The following PAPPA2 variants were observed in gnomAD, a reference collection of about 807,000 sequenced individuals.
PAPPA2 encodes the protein pappalysin-2.
A neutral mutation model predicts 176.4 loss-of-function variants in PAPPA2; 86 were observed. The observed-to-expected ratio is 0.49, with a 90% CI of 0.41 to 0.58. The LOEUF (loss-of-function observed/expected upper bound fraction) is 0.58. PAPPA2 is among the 20% of genes least tolerant of loss of function. The pLI is 0.00. For missense variants in PAPPA2, 2,073 were observed against 2,256.9 expected (o/e 0.92, Z 1.65); for synonymous variants, 809 against 852.2 (o/e 0.95, Z 0.88).
At chr1:176,702,460 T>C in intron 8 of PAPPA2, 147 bp from the exon 9 acceptor site, 1 of 1,207,286 alleles carries the variant, frequency 8.3e-7, no homozygotes, top group Non-Finnish European at 1.1e-6. Context: ...GACTGTGCCC[T>C]GATCTTTGTT....
intron 4 of PAPPA2, among the ~76,000 whole-genome samples, chr1:176,674,856 T>C (rs1162848905): frequency 6.6e-6 from 1 of 151,944 alleles, no homozygotes; most frequent in Non-Finnish European, 1.5e-5. Flanking sequence ...CTCCATACTG[T>C]TTTTTCATAG....
chr1:176,523,156 G>A (rs922752213), intron 1 of PAPPA2, among the ~76,000 whole-genome samples: 1 of 152,124 alleles, frequency 6.6e-6, no homozygotes, highest in East Asian at 1.9e-4. Context: ...TTCTTGGTGA[G>A]CTATTGAGTA....
chr1:176,814,627 T>C (rs1016458871), intron 21 of PAPPA2, among the ~76,000 whole-genome samples: 3 of 152,236 alleles, frequency 2.0e-5, no homozygotes, highest in African/African-American at 7.2e-5. Flanking sequence ...TTTTTGCACA[T>C]TGATTTTGTA....
At chr1:176,753,326 C>T (rs1663267254) in intron 14 of PAPPA2, among the ~76,000 whole-genome samples, 1 of 152,128 alleles carries the variant, frequency 6.6e-6, no homozygotes, top group South Asian at 2.1e-4. Flanking sequence ...TATTATCTGT[C>T]ATGCTGCTTC....
chr1:176,825,530 G>C (rs1007420286), intron 21 of PAPPA2, among the ~76,000 whole-genome samples: 1 of 152,180 alleles, frequency 6.6e-6, no homozygotes, highest in Non-Finnish European at 1.5e-5. Flanking sequence ...GGCAGGGATG[G>C]AGACATTGGT....
chr1:176,575,256 C>T (rs1652579424), intron 2 of PAPPA2, among the ~76,000 whole-genome samples: 1 of 152,168 alleles, frequency 6.6e-6, no homozygotes, highest in Non-Finnish European at 1.5e-5. Flanking sequence ...TGCAAAATTC[C>T]TTTAATTAAC....
chr1:176,672,015 A>T (rs1659034153), intron 4 of PAPPA2, among the ~76,000 whole-genome samples: 1 of 151,660 alleles, frequency 6.6e-6, no homozygotes, highest in Non-Finnish European at 1.5e-5. Flanking sequence ...TACATATGTA[A>T]CTAACCTGCA....
At chr1:176,478,575 A>T (rs1015256134) in intron 1 of PAPPA2, among the ~76,000 whole-genome samples, 1 of 152,248 alleles carries the variant, frequency 6.6e-6, no homozygotes, top group African/African-American at 2.4e-5. Context: ...ATCACATCAG[A>T]TCCCAGATGT....
chr1:176,493,401 G>T (rs1312810834), intron 1 of PAPPA2, among the ~76,000 whole-genome samples: 1 of 152,166 alleles, frequency 6.6e-6, no homozygotes, highest in Non-Finnish European at 1.5e-5. Context: ...ACTCATTAAA[G>T]TATTGAATTG....
intron 1 of PAPPA2, among the ~76,000 whole-genome samples, chr1:176,522,117 G>A (rs1005808008): frequency 1.3e-5 from 2 of 152,116 alleles, no homozygotes; most frequent in African/African-American, 2.4e-5. Flanking sequence ...TGCTGTTTCT[G>A]TTTCACTTAA....
intron 2 of PAPPA2, among the ~76,000 whole-genome samples, chr1:176,579,317 T>G (rs1399475571): frequency 6.6e-6 from 1 of 152,170 alleles, no homozygotes; most frequent in Non-Finnish European, 1.5e-5. Context: ...TGTTTGGAAG[T>G]GAGTTTTCTG....
In PAPPA2 at chr1:176,807,481, TTTTC is replaced by T. The variant is rs200813575; in HGVS notation, c.5202+7365_5202+7368del. 2.5e-3 allele frequency among the ~76,000 whole-genome samples: 378 copies of T among 151,800 alleles called. 1 individual carries two copies. Among genetic ancestry groups the T allele is most frequent in the Middle Eastern group, 0.017 (5 of 294 alleles). On this transcript the variant is annotated intron_variant, in intron 21 of 22. Coordinates refer to ENST00000367662, the MANE Select transcript of PAPPA2 (RefSeq NM_020318.3). ...AGCTACCTGCCTGCCAAGTTTGATA[TTTTC>T]TTTCTTTCTTTCTTTTTTTTTTTTT...
chr1:176,643,802 G>A (rs1657236278), intron 3 of PAPPA2, among the ~76,000 whole-genome samples: 1 of 151,858 alleles, frequency 6.6e-6, no homozygotes, highest in Non-Finnish European at 1.5e-5. Flanking sequence ...AAACACTTGT[G>A]TTGGGCGGAA....
At chr1:176,472,920 G>T (rs182174411) in intron 1 of PAPPA2, among the ~76,000 whole-genome samples, 119 of 152,214 alleles carry the variant, frequency 7.8e-4, no homozygotes, top group Middle Eastern at 3.4e-3. Context: ...ACAAGGCACA[G>T]AGATTTCCTG....
intron 3 of PAPPA2, among the ~76,000 whole-genome samples, chr1:176,610,800 C>G (rs956048531): frequency 6.6e-5 from 10 of 152,126 alleles, no homozygotes; most frequent in Non-Finnish European, 1.5e-4. Context: ...GTCACAATGG[C>G]CTTTTTTGCA....
chr1:176,512,780 T>G (rs1254475436), intron 1 of PAPPA2, among the ~76,000 whole-genome samples: 4 of 152,190 alleles, frequency 2.6e-5, no homozygotes, highest in Non-Finnish European at 4.4e-5. Flanking sequence ...TAAAATTGAT[T>G]AAAATATTTT....
chr1:176,737,831 C>G (rs774810172), intron 12 of PAPPA2, among the ~76,000 whole-genome samples: 1 of 152,060 alleles, frequency 6.6e-6, no homozygotes, highest in Non-Finnish European at 1.5e-5. Context: ...CACCATAAGG[C>G]CTACCTTTAT....
At chr1:176,760,486 T>C (rs1204379855) in intron 14 of PAPPA2, among the ~76,000 whole-genome samples, 1 of 152,214 alleles carries the variant, frequency 6.6e-6, no homozygotes, top group East Asian at 1.9e-4. Context: ...CATCAAATGC[T>C]GGAATCCCAC....
intron 10 of PAPPA2, 67 bp from the exon 11 acceptor site, chr1:176,709,916 C>T (rs534209357): frequency 7.1e-7 from 1 of 1,412,486 alleles, no homozygotes; most frequent in South Asian, 1.3e-5. Flanking sequence ...GTGGACATTC[C>T]CATGTTCATT....
Sources: allele counts gnomAD v4.1 joint callset (sites outside exome capture counted in the v4.1 genomes callset), GRCh38; gene constraint gnomAD v4.1.1; transcripts MANE v1.5; gene names NCBI Gene and HGNC (gene_info 2026-07-23, HGNC 2026-07-21).